XRN1: variants seen among roughly 807,000 people sequenced by gnomAD.
The protein encoded by XRN1 is 5'-3' exoribonuclease 1, also known as strand-exchange protein 1 homolog.
Under a neutral mutation model 222.3 loss-of-function variants are expected in XRN1, and 67 were observed. The observed-to-expected ratio is 0.30, with a 90% CI of 0.25 to 0.37. The LOEUF (loss-of-function observed/expected upper bound fraction) is 0.37, where lower values mean the gene tolerates loss of function less well. Ranked by LOEUF, XRN1 falls within the 10% of genes least tolerant of loss-of-function variation. The pLI, the probability that XRN1 is intolerant of heterozygous loss-of-function variation, is 1.00. For synonymous variants in XRN1, 643 were observed against 652.4 expected (o/e 0.99, Z 0.22); for missense variants, 1,707 against 2,000.2 (o/e 0.85, Z 2.80).
At chr3:142,428,947 A>G (rs774506031) in intron 2 of XRN1, among the ~76,000 whole-genome samples, 3 of 152,130 alleles carry the variant, frequency 2.0e-5, no homozygotes, top group Non-Finnish European at 4.4e-5. Flanking sequence ...TAGGACAGAA[A>G]CTTAAGAAAC....
Position 142,422,733 on chromosome 3 carries a change from T to C in XRN1, c.816A>G (p.Lys272=), listed in dbSNP as rs1236571115. ...CATCTATTATCCTTTCAATATCATA[T>C]TTAAATGTGATCTTTTCCTACAGTA... ...FSVLKEKITF[K]YDIERIIDDW... The change falls in exon 8 of 41, where the codon AAA becomes AAG. Residue 272 remains lysine (K), a synonymous_variant. Coordinates refer to ENST00000392981, the MANE Select transcript of XRN1 (RefSeq NM_001282857.2). The C allele has an allele frequency of 6.2e-7, 1 of 1,610,226 alleles. No individual in the cohort carries two copies.
chr3:142,382,999 A>G (rs1470096664), intron 22 of XRN1, among the ~76,000 whole-genome samples: 1 of 151,788 alleles, frequency 6.6e-6, no homozygotes, highest in Non-Finnish European at 1.5e-5. Flanking sequence ...TGTCTAAAAT[A>G]GTTACAAAAT....
chr3:142,438,744 A>G (rs1222845175), intron 1 of XRN1, among the ~76,000 whole-genome samples: 1 of 152,214 alleles, frequency 6.6e-6, no homozygotes, highest in Non-Finnish European at 1.5e-5. Context: ...AGTATAGATT[A>G]TAACACCATC....
At position 142,307,753 on chromosome 3, in the gene XRN1, T is replaced by G. The variant is rs189361640; in HGVS notation, c.*3758A>C. 4 of 152,250 alleles carry G rather than the reference T, an allele frequency of 2.6e-5. No individual in the cohort carries two copies. Among genetic ancestry groups the G allele is most frequent in the Admixed American group, 2.6e-4 (4 of 15,292 alleles). The allele number at this position is 152,250 out of a possible 1,614,324, so 9.4% of individuals were successfully genotyped here. A position where few individuals can be genotyped will look rare whatever the true frequency, so the allele number is the denominator to read the frequency against. ...CTGGAATTTTAAGCTTTATCTTGAC[T>G]AGGAAAGGAAGCTCCTGCAAAACTG... On this transcript the variant is annotated 3_prime_UTR_variant, in exon 41 of 41. Coordinates refer to ENST00000392981, the MANE Select transcript of XRN1 (RefSeq NM_001282857.2).
chr3:142,441,480 C>T (rs1029958258), intron 1 of XRN1, among the ~76,000 whole-genome samples: 2 of 152,128 alleles, frequency 1.3e-5, no homozygotes, highest in African/African-American at 2.4e-5. Flanking sequence ...TACACAGGTC[C>T]GAGGGACGAG....
intron 27 of XRN1, among the ~76,000 whole-genome samples, chr3:142,365,682 C>G (rs1025475177): frequency 2.6e-5 from 4 of 152,190 alleles, no homozygotes; most frequent in African/African-American, 7.2e-5. Flanking sequence ...ATACCTGGTT[C>G]AAGAAACAAC....
At chr3:142,315,591 C>T (rs190762791) in intron 39 of XRN1, among the ~76,000 whole-genome samples, 2 of 151,778 alleles carry the variant, frequency 1.3e-5, no homozygotes, top group East Asian at 3.9e-4. Context: ...TCACTGCAAC[C>T]TCTGCCTCCT....
At chr3:142,344,796 C>T (rs2066094498) in intron 33 of XRN1, among the ~76,000 whole-genome samples, 2 of 152,084 alleles carry the variant, frequency 1.3e-5, no homozygotes, top group Non-Finnish European at 2.9e-5. Context: ...GACAGGAAAA[C>T]TTAATACTGT....
chr3:142,425,153 T>C (rs1320772346), intron 5 of XRN1, 69 bp downstream of exon 5: 1 of 1,126,094 alleles, frequency 8.9e-7, no homozygotes, highest in Non-Finnish European at 1.2e-6. Flanking sequence ...AAGCTTCCTG[T>C]ACAAAATGAA....
rs2068085366 is a variant in XRN1 at position 142,400,487 on chromosome 3, G to A, written c.2164C>T (p.Leu722Phe). Residue 722 changes from leucine to phenylalanine, a missense_variant, in exon 19 of 41, where the codon CTT becomes TTT. Leu to Phe is a conservative substitution (Grantham distance 22, BLOSUM62 0). This residue lies in a region of XRN1 where 1,234 missense variants were observed against 1,518.2 expected (regional missense o/e 0.81). Coordinates refer to ENST00000392981, the MANE Select transcript of XRN1 (RefSeq NM_001282857.2). ...GKSVFVNWPH[L>F]EEARVVAVSD... is the part of the protein sequence containing the mutation. Reference sequence around the variant, plus strand: ...ACAGCCACGACTCTAGCTTCCTCAAGGTGAGGCCAATTAACAAAGACAGAT... The same window carrying A: ...ACAGCCACGACTCTAGCTTCCTCAAAGTGAGGCCAATTAACAAAGACAGAT... 6.2e-7 allele frequency: 1 copy of A among 1,612,150 alleles called. No individual in the cohort carries two copies. The highest frequency in any genetic ancestry group is 1.3e-5 in the African/African-American group (1 of 74,978).
intron 1 of XRN1, among the ~76,000 whole-genome samples, chr3:142,446,243 C>T (rs969265005): frequency 6.6e-6 from 1 of 152,218 alleles, no homozygotes; most frequent in Non-Finnish European, 1.5e-5. Context: ...TTTTGAATGC[C>T]TGTGACTTAT....
chr3:142,407,205 TA>T (rs1356402490), intron 15 of XRN1, among the ~76,000 whole-genome samples: 3 of 152,244 alleles, frequency 2.0e-5, no homozygotes, highest in Non-Finnish European at 4.4e-5. Flanking sequence ...TCATCAGCAT[TA>T]CAGACTTGTT....
At chr3:142,415,764 GC>G (rs1226614168) in intron 13 of XRN1, among the ~76,000 whole-genome samples, 1 of 152,188 alleles carries the variant, frequency 6.6e-6, no homozygotes, top group African/African-American at 2.4e-5. Context: ...GCTAGATGGA[GC>G]TCTGAAACAG....
chr3:142,436,480 T>C (rs1669405573), intron 1 of XRN1, among the ~76,000 whole-genome samples: 3 of 152,222 alleles, frequency 2.0e-5, no homozygotes, highest in South Asian at 4.1e-4. Context: ...AGAATGTAAA[T>C]TGGCATAACT....
At chr3:142,354,661 C>G (rs1480587065) in intron 32 of XRN1, among the ~76,000 whole-genome samples, 1 of 152,090 alleles carries the variant, frequency 6.6e-6, no homozygotes, top group African/African-American at 2.4e-5. Flanking sequence ...CAAGTTCAAG[C>G]AACTCTTGTG....
intron 37 of XRN1, among the ~76,000 whole-genome samples, chr3:142,324,116 T>C (rs1388131427): frequency 6.6e-6 from 1 of 151,976 alleles, no homozygotes; most frequent in East Asian, 1.9e-4. Context: ...TTTTTTTTAC[T>C]ATAAGTTTTA....
chr3:142,434,899 A>T (rs977357963), intron 1 of XRN1: 8 of 152,220 alleles, frequency 5.3e-5, no homozygotes, highest in African/African-American at 1.9e-4. Flanking sequence ...CAGAAGGATT[A>T]AAAATTTTAC....
chr3:142,409,830 T>C (rs1272840844), intron 15 of XRN1, among the ~76,000 whole-genome samples: 1 of 152,210 alleles, frequency 6.6e-6, no homozygotes, highest in Non-Finnish European at 1.5e-5. Flanking sequence ...TCTTTCAAGG[T>C]AGAGGGCTTC....
At chr3:142,397,531 C>G (rs2067975450) in intron 19 of XRN1, 71 bp from the exon 20 acceptor site, 14 of 1,255,818 alleles carry the variant, frequency 1.1e-5, no homozygotes, top group Non-Finnish European at 1.5e-5. Context: ...CAGTGTGAGT[C>G]TTCCAAATGA....
Sources: allele counts gnomAD v4.1 joint callset (sites outside exome capture counted in the v4.1 genomes callset), GRCh38; gene constraint gnomAD v4.1.1; regional missense constraint gnomAD v4.1.1; transcripts MANE v1.5; gene names NCBI Gene and HGNC (gene_info 2026-07-23, HGNC 2026-07-21).